IL7: variants seen among roughly 807,000 people sequenced by gnomAD.
IL7 encodes the protein interleukin-7.
In IL7, 3 loss-of-function variants were observed where a neutral mutation model predicts 21.6. The ratio of observed to expected loss-of-function variants is 0.14; its 90% CI spans 0.06 to 0.36. IL7 has a LOEUF of 0.36. Among genes scored for constraint, IL7 ranks in the 10% least tolerant of loss-of-function variants. IL7 has a pLI of 1.00. For missense variants in IL7, 175 were observed against 200.2 expected (o/e 0.87, Z 0.76); for synonymous variants, 62 against 68.1 (o/e 0.91, Z 0.44).
intron 4 of IL7, among the ~76,000 whole-genome samples, chr8:78,684,671 T>G (rs939807858): frequency 1.3e-5 from 2 of 152,136 alleles, no homozygotes; most frequent in African/African-American, 2.4e-5. Context: ...AGTAATGTGG[T>G]AGGTTACTAT....
At chr8:78,685,846 C>G (rs1230746370) in intron 4 of IL7, 1 of 152,104 alleles carries the variant, frequency 6.6e-6, no homozygotes, top group South Asian at 2.1e-4. Flanking sequence ...AATAGAGTAC[C>G]ACAAACTGGA....
intron 2 of IL7, among the ~76,000 whole-genome samples, chr8:78,769,839 A>G (rs1197779899): frequency 2.0e-5 from 3 of 152,222 alleles, no homozygotes; most frequent in Non-Finnish European, 2.9e-5. Flanking sequence ...AAACAGAGAT[A>G]TAGACCAATG....
intron 2 of IL7, among the ~76,000 whole-genome samples, chr8:78,746,017 T>TA (rs768279609): frequency 3.3e-5 from 5 of 152,222 alleles, no homozygotes; most frequent in Admixed American, 2.6e-4. Context: ...CCCACCAAGA[T>TA]AATCCAAAAT....
chr8:78,739,005 G>GT (rs1436727462), intron 3 of IL7, among the ~76,000 whole-genome samples: 2 of 152,098 alleles, frequency 1.3e-5, no homozygotes, highest in Admixed American at 6.5e-5. Flanking sequence ...GGTATGTGTG[G>GT]TTTTTTCTTA....
chr8:78,725,539 C>A (rs1586044304), intron 3 of IL7, among the ~76,000 whole-genome samples: 1 of 151,978 alleles, frequency 6.6e-6, no homozygotes, highest in Non-Finnish European at 1.5e-5. Context: ...TGATTAGACT[C>A]GGATCTGCTG....
At chr8:78,722,978 C>G in intron 3 of IL7, among the ~76,000 whole-genome samples, 1 of 150,902 alleles carries the variant, frequency 6.6e-6, no homozygotes, top group Non-Finnish European at 1.5e-5. Flanking sequence ...AAATGTCAAC[C>G]ACAAAAAAAC....
At chr8:78,729,370 T>C (rs969643125), downstream of IL7, among the ~76,000 whole-genome samples, 2 of 152,094 alleles carry the variant, frequency 1.3e-5, no homozygotes, top group South Asian at 4.1e-4. Context: ...ATGAATTATA[T>C]GTATTTGTGT....
chr8:78,761,431 G>C, intron 2 of IL7: 1 of 1,611,872 alleles, frequency 6.2e-7, no homozygotes, highest in South Asian at 1.1e-5. Flanking sequence ...ATCCACTAGA[G>C]ACAATGTAAG....
chr8:78,724,262 T>C (rs1007021623), intron 3 of IL7: 4 of 152,026 alleles, frequency 2.6e-5, no homozygotes, highest in Non-Finnish European at 4.4e-5. Context: ...GTTTACTCCA[T>C]AGAGCATAGA....
chr8:78,767,217 T>A (rs1266885298), intron 2 of IL7, among the ~76,000 whole-genome samples: 1 of 151,836 alleles, frequency 6.6e-6, no homozygotes, highest in Non-Finnish European at 1.5e-5. Flanking sequence ...ACAGTGTGAG[T>A]GAGTGTGTGT....
At chr8:78,774,058 A>G (rs944749426) in intron 2 of IL7, among the ~76,000 whole-genome samples, 2 of 152,018 alleles carry the variant, frequency 1.3e-5, no homozygotes, top group African/African-American at 4.8e-5. Context: ...CATGTTCTAC[A>G]TTTTCTACCA....
At chr8:78,769,175 T>C (rs1241193063) in intron 2 of IL7, among the ~76,000 whole-genome samples, 1 of 151,606 alleles carries the variant, frequency 6.6e-6, no homozygotes, top group Admixed American at 6.6e-5. Context: ...TGTTGGAAGT[T>C]CTGGCCAGGG....
intron 5 of IL7, among the ~76,000 whole-genome samples, chr8:78,720,514 T>C (rs1178312568): frequency 6.6e-6 from 1 of 151,864 alleles, no homozygotes; most frequent in East Asian, 1.9e-4. Flanking sequence ...CACTAGAGGG[T>C]GCATTTGGAT....
rs139087794 is a variant in IL7, at chr8:78,792,808, G to A, written c.147+5264C>T. ...CTTTGGTGAGAAAGTAGAAAAATCA[G>A]AGCCTTAACTGCTGATAGAAACGCA... On this transcript the variant is annotated intron_variant, in intron 2 of 5. Coordinates refer to ENST00000263851, the MANE Select transcript of IL7 (RefSeq NM_000880.4). Among the ~76,000 whole-genome samples, 786 of 152,164 alleles carry A rather than the reference G, an allele frequency of 5.2e-3. 7 individuals carry two copies. Among genetic ancestry groups the A allele is most frequent in the African/African-American group, 0.018 (752 of 41,548 alleles).
At chr8:78,709,207 A>G (rs906018847) in intron 3 of IL7, among the ~76,000 whole-genome samples, 4 of 152,034 alleles carry the variant, frequency 2.6e-5, no homozygotes, top group African/African-American at 4.8e-5. Context: ...TAATACACCT[A>G]AAATTAGAGC....
Position 78,738,596 on chromosome 8 carries a change from G to C in IL7, c.268C>G (p.Gln90Glu), listed in dbSNP as rs1431264599. The C allele has an allele frequency of 6.2e-7, 1 of 1,613,610 alleles. No individual in the cohort carries two copies. The highest frequency in any genetic ancestry group is 8.5e-7 in the Non-Finnish European group (1 of 1,179,638). ...FLFRAARKLR[Q>E]FLKMNSTGDF... ...CCAGTGCTATTCATTTTAAGAAATTGCCTCAACTTGCGAGCAGCACGGAAT... is the reference window on the plus strand; with the variant it reads ...CCAGTGCTATTCATTTTAAGAAATTCCCTCAACTTGCGAGCAGCACGGAAT... The change falls in exon 4 of 6, where the codon CAA becomes GAA. Residue 90 changes from glutamine to glutamate, a missense_variant. By Grantham distance (29) the Gln-to-Glu change is conservative. Transcript: ENST00000263851.
At chr8:78,686,516 T>A (rs1809979627) in intron 3 of IL7, 1 of 1,550,062 alleles carries the variant, frequency 6.5e-7, no homozygotes, top group Non-Finnish European at 8.7e-7. Context: ...CATGAAGAAT[T>A]CATTGCTACC....
intron 5 of IL7, chr8:78,720,925 A>G (rs1811225015): frequency 6.6e-6 from 1 of 151,942 alleles, no homozygotes; most frequent in South Asian, 2.1e-4. Context: ...ATTTAACATT[A>G]TCTAACACAA....
intron 3 of IL7, among the ~76,000 whole-genome samples, chr8:78,721,766 A>G (rs1811242932): frequency 6.6e-6 from 1 of 151,486 alleles, no homozygotes; most frequent in Non-Finnish European, 1.5e-5. Context: ...GGTCGATTAA[A>G]TTTACGTTAA....
Sources: gnomAD v4.1 joint callset for allele counts (sites outside exome capture counted in the v4.1 genomes callset) on GRCh38, gnomAD v4.1.1 for gene constraint, MANE v1.5 for transcripts, NCBI Gene and HGNC (gene_info 2026-07-23, HGNC 2026-07-21) for gene names.